The following MAGI2 variants were observed in gnomAD, a reference collection of about 807,000 sequenced individuals.
MAGI2 encodes the protein membrane-associated guanylate kinase, WW and PDZ domain-containing protein 2.
In MAGI2, 35 loss-of-function variants were observed where a neutral mutation model predicts 133.3. That is an observed-to-expected ratio of 0.26 (90% CI 0.20 to 0.35). The LOEUF is 0.35. Ranked by LOEUF, MAGI2 falls within the 10% of genes least tolerant of loss-of-function variation. The pLI is 1.00. For synonymous variants in MAGI2, 729 were observed against 710.6 expected (o/e 1.03, Z -0.41); for missense variants, 1,636 against 1,863.4 (o/e 0.88, Z 2.25).
At chr7:78,320,621 A>G (rs911417589) in intron 9 of MAGI2, among the ~76,000 whole-genome samples, 1 of 152,144 alleles carries the variant, frequency 6.6e-6, no homozygotes, top group Non-Finnish European at 1.5e-5. Context: ...TGGAACATAT[A>G]TCAAAATAAT....
At chr7:78,423,533 G>A (rs1322513610) in intron 6 of MAGI2, among the ~76,000 whole-genome samples, 1 of 152,182 alleles carries the variant, frequency 6.6e-6, no homozygotes, top group Non-Finnish European at 1.5e-5. Context: ...TTTGGAATTG[G>A]ATAACAGGCA....
chr7:78,171,885 TTTTG>T (rs1234929916), intron 14 of MAGI2, among the ~76,000 whole-genome samples: 6 of 102,982 alleles, frequency 5.8e-5, no homozygotes, highest in South Asian at 2.9e-4. Flanking sequence ...AGGAGGGTTT[TTTTG>T]TTTGTTTGTT....
chr7:78,677,256 T>C (rs1815148276), intron 2 of MAGI2, among the ~76,000 whole-genome samples: 1 of 151,668 alleles, frequency 6.6e-6, no homozygotes, highest in South Asian at 2.1e-4. Flanking sequence ...GATCTGGCTC[T>C]ACTAAGTCTC....
chr7:78,580,940 C>T (rs551820172), intron 3 of MAGI2, among the ~76,000 whole-genome samples: 21 of 152,190 alleles, frequency 1.4e-4, no homozygotes, highest in Admixed American at 3.3e-4. Flanking sequence ...ATGCAGATGA[C>T]GACAGATCTA....
intron 2 of MAGI2, among the ~76,000 whole-genome samples, chr7:78,840,088 A>G (rs1247808265): frequency 6.6e-6 from 1 of 152,000 alleles, no homozygotes; most frequent in Non-Finnish European, 1.5e-5. Context: ...TAGTTCACTT[A>G]ATTTTTTTTT....
chr7:78,922,641 C>T (rs183060333), intron 2 of MAGI2, among the ~76,000 whole-genome samples: 118 of 152,142 alleles, frequency 7.8e-4, no homozygotes, highest in South Asian at 1.4e-3. Flanking sequence ...TGAATAATGC[C>T]GCAATAAACA....
At chr7:78,044,213 C>G (rs1160241337) in intron 21 of MAGI2, among the ~76,000 whole-genome samples, 21 of 152,202 alleles carry the variant, frequency 1.4e-4, no homozygotes, top group Admixed American at 1.4e-3. Context: ...CTATAGCATT[C>G]TCTCACTTTT....
intron 1 of MAGI2, among the ~76,000 whole-genome samples, chr7:79,447,170 A>T (rs1251117937): frequency 6.6e-6 from 1 of 152,204 alleles, no homozygotes; most frequent in Non-Finnish European, 1.5e-5. Flanking sequence ...AGTAAGACGT[A>T]ATAATAAAAG....
chr7:78,577,830 C>T (rs183819164), intron 3 of MAGI2, among the ~76,000 whole-genome samples: 62 of 152,166 alleles, frequency 4.1e-4, no homozygotes, highest in African/African-American at 1.3e-3. Context: ...TGGATGTGTA[C>T]GTGCAGGTCA....
intron 21 of MAGI2, among the ~76,000 whole-genome samples, chr7:78,059,942 A>T (rs1813049036): frequency 6.6e-6 from 1 of 152,022 alleles, no homozygotes. Flanking sequence ...ATTCAGACAG[A>T]CCTAACATTA....
intron 1 of MAGI2, among the ~76,000 whole-genome samples, chr7:79,088,441 A>G (rs898979139): frequency 1.3e-5 from 2 of 152,112 alleles, no homozygotes; most frequent in African/African-American, 4.8e-5. Flanking sequence ...TAAATATACA[A>G]TCATGTCATC....
chr7:78,057,298 A>G (rs1314598500), intron 21 of MAGI2, among the ~76,000 whole-genome samples: 1 of 151,962 alleles, frequency 6.6e-6, no homozygotes, highest in East Asian at 1.9e-4. Flanking sequence ...GTTGGAGTGC[A>G]ATAGTGCGAT....
chr7:78,343,454 G>A (rs1790596752), intron 9 of MAGI2, among the ~76,000 whole-genome samples: 1 of 152,124 alleles, frequency 6.6e-6, no homozygotes, highest in Admixed American at 6.6e-5. Flanking sequence ...CTGAATATAA[G>A]TTAGAAAAGT....
chr7:79,415,355 T>C (rs758064582), intron 1 of MAGI2: 7 of 152,134 alleles, frequency 4.6e-5, no homozygotes, highest in Non-Finnish European at 8.8e-5. Context: ...TGGCTGGAAA[T>C]AGCACAGTCT....
chr7:78,321,158 T>A (rs1787963699), intron 9 of MAGI2, among the ~76,000 whole-genome samples: 1 of 152,158 alleles, frequency 6.6e-6, no homozygotes, highest in African/African-American at 2.4e-5. Flanking sequence ...TACTCATGGA[T>A]AGGAAGAATC....
At chr7:78,935,437 C>T (rs910910325) in intron 2 of MAGI2, among the ~76,000 whole-genome samples, 2 of 152,112 alleles carry the variant, frequency 1.3e-5, no homozygotes, top group Non-Finnish European at 1.5e-5. Flanking sequence ...AGTTTCCCAC[C>T]TCTACAGACC....
At chr7:79,288,859 A>G (rs1836242405) in intron 1 of MAGI2, among the ~76,000 whole-genome samples, 1 of 152,344 alleles carries the variant, frequency 6.6e-6, no homozygotes, top group East Asian at 1.9e-4. Context: ...TAAAATAGAC[A>G]TACAATGAAT....
chr7:78,109,474 T>C (rs1819131982), intron 20 of MAGI2, among the ~76,000 whole-genome samples: 1 of 150,818 alleles, frequency 6.6e-6, no homozygotes, highest in Non-Finnish European at 1.5e-5. Context: ...CTACTAAAAA[T>C]ACACAAAATT....
At chr7:79,158,521 T>C (rs961204576) in intron 1 of MAGI2, among the ~76,000 whole-genome samples, 2 of 152,084 alleles carry the variant, frequency 1.3e-5, no homozygotes, top group African/African-American at 2.4e-5. Context: ...TTTTATGTAT[T>C]CCTGCAGAAT....
Sources: gnomAD v4.1 joint callset for allele counts (sites outside exome capture counted in the v4.1 genomes callset) on GRCh38, gnomAD v4.1.1 for gene constraint, MANE v1.5 for transcripts, NCBI Gene and HGNC (gene_info 2026-07-23, HGNC 2026-07-21) for gene names.